The following ANXA8 variants were observed in gnomAD, a reference collection of about 807,000 sequenced individuals.
ANXA8 encodes VAC-beta.
ANXA8 carries 9 observed loss-of-function variants against 26.8 expected under a neutral mutation model. The observed-to-expected ratio is 0.34, with a 90% confidence interval of 0.20 to 0.59. The LOEUF (loss-of-function observed/expected upper bound fraction) is 0.59, where lower values mean the gene tolerates loss of function less well. Among genes scored for constraint, ANXA8 ranks in the 20% least tolerant of loss-of-function variants. The pLI, the probability that ANXA8 is intolerant of heterozygous loss-of-function variation, is 0.84. For synonymous variants in ANXA8, 39 were observed against 94.8 expected (o/e 0.41, Z 3.42); for missense variants, 83 against 238.5 (o/e 0.35, Z 4.29).
chr10:47,939,668 T>C, the ANXA8 span, among the ~76,000 whole-genome samples: 55 of 144,126 alleles, frequency 3.8e-4, 1 homozygote, highest in African/African-American at 1.4e-3. Context: ...AGATTCCAGC[T>C]GGATTTTCCA....
At chr10:47,920,260 A>T in the ANXA8 span, among the ~76,000 whole-genome samples, 1 of 94,886 alleles carries the variant, frequency 1.1e-5, no homozygotes, top group African/African-American at 5.3e-5. Flanking sequence ...TTTTTGAGAC[A>T]GAGTCTCGCT....
the ANXA8 span, among the ~76,000 whole-genome samples, chr10:47,652,772 T>C: frequency 7.0e-6 from 1 of 142,394 alleles, no homozygotes; most frequent in Non-Finnish European, 1.5e-5. Context: ...TGCCAGAGAA[T>C]TGGAGCAACA....
intron 11 of ANXA8, among the ~76,000 whole-genome samples, chr10:47,469,764 C>T (rs1316112023): frequency 2.0e-5 from 3 of 151,472 alleles, no homozygotes. Context: ...ACCCACTTTC[C>T]ACACTCTGGA....
At chr10:47,984,554 T>TCATCC in the ANXA8 span, among the ~76,000 whole-genome samples, 7 of 127,122 alleles carry the variant, frequency 5.5e-5, no homozygotes, top group Admixed American at 2.4e-4. Context: ...AACTATCCCA[T>TCATCC]CATCCCAAGA....
the ANXA8 span, among the ~76,000 whole-genome samples, chr10:47,658,832 G>A: frequency 7.2e-6 from 1 of 138,196 alleles, no homozygotes; most frequent in South Asian, 2.1e-4. Context: ...GAAGTGTTGA[G>A]GTTTTTATTT....
At chr10:47,575,242 A>G in the ANXA8 span, among the ~76,000 whole-genome samples, 1 of 141,514 alleles carries the variant, frequency 7.1e-6, no homozygotes, top group East Asian at 2.0e-4. Flanking sequence ...CAAGAAAGAA[A>G]GAAGGAAGGA....
chr10:47,743,319 TATATATATAC>T, the ANXA8 span, among the ~76,000 whole-genome samples: 45 of 45,826 alleles, frequency 9.8e-4, 1 homozygote, highest in South Asian at 3.4e-3. Context: ...TATACACATA[TATATATATAC>T]ATATATATAT....
At chr10:47,525,918 C>A in the ANXA8 span, among the ~76,000 whole-genome samples, 3,861 of 129,188 alleles carry the variant, frequency 0.03, 341 homozygotes, top group African/African-American at 0.11. Context: ...GATTCTCCTG[C>A]CTCAGCCTCC....
the ANXA8 span, among the ~76,000 whole-genome samples, chr10:47,697,367 CAT>C: frequency 6.6e-6 from 1 of 151,840 alleles, no homozygotes; most frequent in Non-Finnish European, 1.5e-5. Flanking sequence ...GTAGTAGTAA[CAT>C]AGTAATATTA....
At chr10:47,495,033 A>G in the ANXA8 span, among the ~76,000 whole-genome samples, 3 of 149,982 alleles carry the variant, frequency 2.0e-5, no homozygotes, top group Non-Finnish European at 4.4e-5. Context: ...CAAACCAACA[A>G]GGAAGAATCT....
chr10:47,718,482 AAAT>A, the ANXA8 span, among the ~76,000 whole-genome samples: 1 of 90,008 alleles, frequency 1.1e-5, no homozygotes, highest in Non-Finnish European at 2.2e-5. Flanking sequence ...AAACAACAAA[AAAT>A]AATAATTTTG....
chr10:47,586,973 G>A, the ANXA8 span, among the ~76,000 whole-genome samples: 2 of 146,042 alleles, frequency 1.4e-5, no homozygotes, highest in East Asian at 1.9e-4. Context: ...TTGGGAGGCC[G>A]AGGCTGGCAG....
At chr10:47,530,219 C>T in the ANXA8 span, among the ~76,000 whole-genome samples, 2 of 141,280 alleles carry the variant, frequency 1.4e-5, no homozygotes, top group Non-Finnish European at 3.1e-5. Flanking sequence ...TTCCTTTCCA[C>T]CACCTGTTTT....
the ANXA8 span, among the ~76,000 whole-genome samples, chr10:47,675,536 T>C: frequency 1.3e-5 from 2 of 151,958 alleles, 1 homozygote; most frequent in South Asian, 4.1e-4. Context: ...AGCCAGTGAT[T>C]AATGTTAAAT....
the ANXA8 span, among the ~76,000 whole-genome samples, chr10:47,778,146 G>A: frequency 1.3e-5 from 2 of 150,264 alleles, no homozygotes; most frequent in Non-Finnish European, 1.5e-5. Context: ...CGGGGCCAGA[G>A]TGTTTCATAT....
the ANXA8 span, among the ~76,000 whole-genome samples, chr10:47,714,344 A>G: frequency 6.7e-6 from 1 of 148,646 alleles, no homozygotes; most frequent in Non-Finnish European, 1.5e-5. Flanking sequence ...AAAAAAAAAA[A>G]AAAATCTTTA....
chr10:47,672,481 T>C, the ANXA8 span, among the ~76,000 whole-genome samples: 1 of 151,598 alleles, frequency 6.6e-6, no homozygotes, highest in East Asian at 1.9e-4. Context: ...AGTTAATTAG[T>C]TTTAAAACAA....
chr10:47,550,978 CAACA>C, the ANXA8 span: 3 of 148,748 alleles, frequency 2.0e-5, no homozygotes, highest in African/African-American at 5.0e-5. Flanking sequence ...ATAGAGAGTA[CAACA>C]GACAATATAA....
the ANXA8 span, among the ~76,000 whole-genome samples, chr10:47,639,352 G>C: frequency 7.5e-6 from 1 of 133,810 alleles, no homozygotes; most frequent in Non-Finnish European, 1.6e-5. Flanking sequence ...TAGCTCTTTC[G>C]CCCAGGCCGG....
Sources: allele counts gnomAD v4.1 joint callset (sites outside exome capture counted in the v4.1 genomes callset), GRCh38; gene constraint gnomAD v4.1.1; transcripts MANE v1.5; gene names NCBI Gene and HGNC (gene_info 2026-07-23, HGNC 2026-07-21).